DCAF11: variants seen among roughly 807,000 people sequenced by gnomAD.
DCAF11 encodes DDB1- and CUL4-associated factor 11.
In DCAF11, 44 loss-of-function variants were observed where a neutral mutation model predicts 76.1. The observed-to-expected ratio is 0.58, with a 90% confidence interval of 0.45 to 0.74. The LOEUF (loss-of-function observed/expected upper bound fraction) is 0.74. Ranked by LOEUF, DCAF11 falls within the 30% of genes least tolerant of loss-of-function variation. The probability of loss-of-function intolerance (pLI) is 0.00; values close to 1 mark genes in which losing one functional copy is unlikely to be tolerated. For missense variants in DCAF11, 604 were observed against 709.4 expected (o/e 0.85, Z 1.69); for synonymous variants, 258 against 255.0 (o/e 1.01, Z -0.11).
At chr14:24,121,582 A>G (rs2139021765) in intron 13 of DCAF11, 65 bp downstream of exon 13, 6 of 1,564,124 alleles carry the variant, frequency 3.8e-6, no homozygotes, top group South Asian at 1.2e-5. Context: ...CATTCCACCT[A>G]TAACGACTAG....
intron 13 of DCAF11, 200 bp downstream of exon 13, chr14:24,121,717 C>A (rs1248118871): frequency 1.6e-6 from 1 of 617,952 alleles, no homozygotes; most frequent in South Asian, 2.5e-5. Flanking sequence ...ACATAGAATT[C>A]TAGACAGTAA....
intron 13 of DCAF11, chr14:24,121,739 T>C (rs1329156107): frequency 4.0e-6 from 2 of 501,600 alleles, no homozygotes; most frequent in Non-Finnish European, 6.9e-6. Context: ...TATAATAGAT[T>C]GCCAAAAATA....
Position 24,117,061 on chromosome 14 carries a change from C to T in DCAF11, c.283+17C>T, listed in dbSNP as rs1208453226. On this transcript the variant is annotated intron_variant, in intron 3 of 14. Coordinates refer to ENST00000446197, the MANE Select transcript of DCAF11 (RefSeq NM_025230.5). This position sits in a 1 kb window ranked among gnomAD's most constrained non-coding sequence, Gnocchi z 4.3. Reference sequence around the variant, plus strand: ...ACCCACCTGGTAAGAGGAAAAGCCCCTAATGTTGGAAGACTTTTACTAGAA... The same window carrying T: ...ACCCACCTGGTAAGAGGAAAAGCCCTTAATGTTGGAAGACTTTTACTAGAA... 1 of 1,613,970 alleles carries T rather than the reference C, an allele frequency of 6.2e-7. No individual in the cohort carries two copies. Among genetic ancestry groups the T allele is most frequent in the Non-Finnish European group, 8.5e-7 (1 of 1,179,982 alleles).
At chr14:24,121,210 A>G in intron 12 of DCAF11, 155 bp from the exon 13 acceptor site, 2 of 1,161,716 alleles carry the variant, frequency 1.7e-6, no homozygotes, top group Non-Finnish European at 2.5e-6. Context: ...GCCATATTGG[A>G]GACTGTCCAC....
rs2037604375 is a variant in DCAF11, at chr14:24,117,484, A to G, written c.411+91A>G. On this transcript the variant is annotated intron_variant, in intron 4 of 14. Coordinates refer to ENST00000446197, the MANE Select transcript of DCAF11 (RefSeq NM_025230.5). This position sits in a 1 kb window ranked among gnomAD's most constrained non-coding sequence, Gnocchi z 4.3. Reference sequence around the variant, plus strand: ...CAGAGAAAAAGGAAGTCAACTTTCCAAAGTAGAAGCCTCAAGCGCTGGGGC... The same window carrying G: ...CAGAGAAAAAGGAAGTCAACTTTCCGAAGTAGAAGCCTCAAGCGCTGGGGC... 2 of 1,585,572 alleles carry G rather than the reference A, an allele frequency of 1.3e-6. No homozygotes were observed. Among genetic ancestry groups the G allele is most frequent in the East Asian group, 2.2e-5 (1 of 44,470 alleles).
At chr14:24,121,223 A>T in intron 12 of DCAF11, 142 bp from the exon 13 acceptor site, 3 of 1,216,042 alleles carry the variant, frequency 2.5e-6, no homozygotes, top group Non-Finnish European at 3.5e-6. Flanking sequence ...CTGTCCACTG[A>T]CTATTAGGTG....
At chr14:24,118,997 G>A in intron 8 of DCAF11, 148 bp from the exon 9 acceptor site, 1 of 1,181,002 alleles carries the variant, frequency 8.5e-7, no homozygotes. Context: ...GATGATTTCT[G>A]GGTTCTCACT....
At position 24,117,665 on chromosome 14, in the gene DCAF11, T is replaced by C. The variant is rs765122600; in HGVS notation, c.412-3T>C. 6.2e-7 allele frequency: 1 copy of C among 1,613,978 alleles called. No individual in the cohort carries two copies. The highest frequency in any genetic ancestry group is 8.5e-7 in the Non-Finnish European group (1 of 1,179,842). On this transcript the variant is annotated splice_polypyrimidine_tract_variant and splice_region_variant and intron_variant, in intron 4 of 14. Coordinates refer to ENST00000446197, the MANE Select transcript of DCAF11 (RefSeq NM_025230.5). The surrounding 1 kb of genome is among the most constrained non-coding windows in gnomAD (Gnocchi z 4.3). ...GCAATATTCCCCAATCCCTTCCATT[T>C]AGAGAGAACGGGGCCTCTGCCATCG... is the stretch of plus-strand genomic sequence containing the variant.
chr14:24,119,891 A>G lies in DCAF11; in HGVS notation c.1087A>G (p.Ser363Gly). The G allele has an allele frequency of 1.2e-6, 2 of 1,610,986 alleles. No individual in the cohort carries two copies. Among genetic ancestry groups the G allele is most frequent in the South Asian group, 1.1e-5 (1 of 90,560 alleles). ...CCAGGATGGCATCACCTTCATTGAC[A>G]GCAAGGTGGGCCAGAAGTCAGGACT... ...GHQDGITFID[S>G]KGDARYLISN... is the part of the protein sequence containing the mutation. Residue 363 changes from serine to glycine, a missense_variant, in exon 11 of 15, where the codon AGC becomes GGC. By Grantham distance (56) the Ser-to-Gly change is moderately conservative (BLOSUM62 0). Transcript: ENST00000446197.
intron 9 of DCAF11, 169 bp downstream of exon 9, chr14:24,119,382 G>A (rs777696143): frequency 1.4e-5 from 16 of 1,177,016 alleles, no homozygotes; most frequent in South Asian, 5.3e-5. Flanking sequence ...TCCCCAGCAC[G>A]AGATTGGAGG....
At chr14:24,118,708 C>A (rs759949029) in intron 7 of DCAF11, 42 bp from the exon 8 acceptor site, 1 of 1,609,312 alleles carries the variant, frequency 6.2e-7, no homozygotes, top group Non-Finnish European at 8.5e-7. Context: ...CACTCTTCTT[C>A]CCCCATCCCT....
intron 11 of DCAF11, among the ~76,000 whole-genome samples, chr14:24,120,260 A>AC (rs201530170): frequency 3.9e-4 from 59 of 150,878 alleles, no homozygotes; most frequent in African/African-American, 1.2e-3. Context: ...AAAAAAAACA[A>AC]AAAAAAAAAA....
intron 11 of DCAF11, among the ~76,000 whole-genome samples, chr14:24,120,591 A>G (rs1378032631): frequency 6.6e-6 from 1 of 152,176 alleles, no homozygotes; most frequent in Non-Finnish European, 1.5e-5. Flanking sequence ...TTAAAAAAAG[A>G]AAAATGGAAG....
In DCAF11 at chr14:24,114,793, C is replaced by T. The variant is rs2037500209; in HGVS notation, c.-714C>T. ...GGGGCCGTCGTGTGACGTTTGCAGC[C>T]CGCCGGCCAGGAAGCCGCGAGATGC... On this transcript the variant is annotated 5_prime_UTR_variant, in exon 1 of 15. Coordinates refer to ENST00000446197, the MANE Select transcript of DCAF11 (RefSeq NM_025230.5). The T allele has an allele frequency of 7.1e-6, 7 of 985,846 alleles. No individual in the cohort carries two copies. Among genetic ancestry groups the T allele is most frequent in the Non-Finnish European group, 7.2e-6 (6 of 829,976 alleles). 61.1% of individuals were successfully genotyped at this position (985,846 alleles called of 1,614,324 possible).
chr14:24,123,263 C>T lies in DCAF11; in HGVS notation c.1595C>T (p.Pro532Leu). 1 of 1,561,962 alleles carries T rather than the reference C, an allele frequency of 6.4e-7. No homozygotes were observed. Among genetic ancestry groups the T allele is most frequent in the Non-Finnish European group, 8.7e-7 (1 of 1,152,488 alleles). The change falls in exon 15 of 15, where the codon CCT (proline) becomes CTT (leucine). Residue 532 changes from proline (P) to leucine (L), a missense_variant. By Grantham distance (98) the Pro-to-Leu change is moderately conservative. Coordinates refer to ENST00000446197, the MANE Select transcript of DCAF11 (RefSeq NM_025230.5). ...GAATCTGAGGAATGTGCCAGCGCCC[C>T]TGCCCCAGTGCCCCAATCCTCTACA... ...MPESEECASAPAPVPQSSTPF... is the reference protein window; with the variant it reads ...MPESEECASALAPVPQSSTPF...
chr14:24,114,985 C>T lies in DCAF11; in HGVS notation c.-522C>T, dbSNP rs1166037503. On this transcript the variant is annotated 5_prime_UTR_variant, in exon 1 of 15. Transcript: ENST00000446197. Reference sequence around the variant, plus strand: ...TCAGTGGGAGGTGCTTCTCGGCTTCCTCCCCCTCATGGCGTACACACCCCC... The same window carrying T: ...TCAGTGGGAGGTGCTTCTCGGCTTCTTCCCCCTCATGGCGTACACACCCCC... 3.0e-6 allele frequency: 3 copies of T among 985,840 alleles called. No individual in the cohort carries two copies. Among genetic ancestry groups the T allele is most frequent in the Non-Finnish European group, 1.2e-6 (1 of 829,966 alleles). The allele number at this position is 985,840 out of a possible 1,614,324, so 61.1% of individuals were successfully genotyped here. A position where few individuals can be genotyped will look rare whatever the true frequency, so the allele number is the denominator to read the frequency against.
At position 24,118,407 on chromosome 14, in the gene DCAF11, T is replaced by C; in HGVS notation, c.597T>C (p.Tyr199=). 1 of 1,614,250 alleles carries C rather than the reference T, an allele frequency of 6.2e-7. No individual in the cohort carries two copies. Among genetic ancestry groups the C allele is most frequent in the East Asian group, 2.2e-5 (1 of 44,884 alleles). Residue 199 remains tyrosine, a synonymous_variant, in exon 7 of 15, where the codon TAT becomes TAC. Coordinates refer to ENST00000446197, the MANE Select transcript of DCAF11 (RefSeq NM_025230.5). ...ACACAGACCAGACAATCCGACTCTA[T>C]GACTGCCGATATGGCCGTTTCCGTA... ...SACQDQTIRL[Y]DCRYGRFRKF...
chr14:24,117,254 T>C lies in DCAF11; in HGVS notation c.284-12T>C. ...GCAGACCTAGGATGAAACTTCTCCT[T>C]GGTACTCACAGTGGATGCTACCCCT... On this transcript the variant is annotated splice_polypyrimidine_tract_variant and intron_variant, in intron 3 of 14. Transcript: ENST00000446197. The surrounding 1 kb of genome is among the most constrained non-coding windows in gnomAD (Gnocchi z 4.3). 2 of 1,614,120 alleles carry C rather than the reference T, an allele frequency of 1.2e-6. No individual in the cohort carries two copies. The highest frequency in any genetic ancestry group is 1.7e-6 in the Non-Finnish European group (2 of 1,179,988).
At chr14:24,122,415 G>A (rs1268524164) in intron 13 of DCAF11, among the ~76,000 whole-genome samples, 1 of 151,358 alleles carries the variant, frequency 6.6e-6, no homozygotes, top group Admixed American at 6.6e-5. Context: ...GCTTGAACCC[G>A]GGAGGCAGAG....
Sources: gnomAD v4.1 joint callset for allele counts (sites outside exome capture counted in the v4.1 genomes callset) on GRCh38, gnomAD v4.1.1 for gene constraint, Gnocchi (gnomAD v3.1) non-coding constraint, MANE v1.5 for transcripts, NCBI Gene and HGNC (gene_info 2026-07-23, HGNC 2026-07-21) for gene names.